The following FGGY variants were observed in gnomAD, a reference collection of about 807,000 sequenced individuals.
FGGY encodes the protein FGGY carbohydrate kinase domain-containing protein.
FGGY carries 72 observed loss-of-function variants against 71.3 expected under a neutral mutation model. The ratio of observed to expected loss-of-function variants is 1.01; its 90% CI spans 0.84 to 1.23. The LOEUF (loss-of-function observed/expected upper bound fraction) is 1.23, where lower values mean the gene tolerates loss of function less well. Ranked by LOEUF, FGGY falls within the 50% of genes most tolerant of loss-of-function variation. The probability of loss-of-function intolerance (pLI) is 0.00; values close to 1 mark genes in which losing one functional copy is unlikely to be tolerated. For synonymous variants in FGGY, 251 were observed against 250.3 expected (o/e 1.00, Z -0.02); for missense variants, 668 against 682.3 (o/e 0.98, Z 0.23).
chr1:59,565,494 C>T (rs2095860514), intron 8 of FGGY, among the ~76,000 whole-genome samples: 1 of 152,168 alleles, frequency 6.6e-6, no homozygotes, highest in African/African-American at 2.4e-5. Flanking sequence ...CCGCGTTAGC[C>T]AGGATGGTCT....
At chr1:59,465,843 A>G (rs1339107653) in intron 6 of FGGY, among the ~76,000 whole-genome samples, 2 of 152,212 alleles carry the variant, frequency 1.3e-5, no homozygotes, top group Non-Finnish European at 2.9e-5. Context: ...CCACTGCTCA[A>G]TGAAATAAAA....
At chr1:59,698,219 G>T (rs113311952) in intron 14 of FGGY, among the ~76,000 whole-genome samples, 3 of 152,042 alleles carry the variant, frequency 2.0e-5, no homozygotes, top group African/African-American at 7.2e-5. Flanking sequence ...ATTTGAAAGG[G>T]GAGAAAGATA....
intron 6 of FGGY, among the ~76,000 whole-genome samples, chr1:59,492,001 T>A (rs533200697): frequency 6.6e-6 from 1 of 152,322 alleles, no homozygotes; most frequent in South Asian, 2.1e-4. Flanking sequence ...TCTGGAGTTC[T>A]GTAAGAAAAT....
intron 13 of FGGY, among the ~76,000 whole-genome samples, chr1:59,671,230 A>C (rs989513699): frequency 4.6e-5 from 7 of 152,244 alleles, no homozygotes; most frequent in Middle Eastern, 3.2e-3. Flanking sequence ...TGTCGGTGTC[A>C]GTCAGGTCCA....
chr1:59,609,620 T>C (rs2096655511), intron 9 of FGGY, among the ~76,000 whole-genome samples: 1 of 152,266 alleles, frequency 6.6e-6, no homozygotes, highest in Admixed American at 6.5e-5. Context: ...ATTGGAAATA[T>C]CTGCTTATGT....
chr1:59,616,955 A>T (rs1305719689), intron 9 of FGGY, among the ~76,000 whole-genome samples: 1 of 152,140 alleles, frequency 6.6e-6, no homozygotes, highest in Admixed American at 6.6e-5. Flanking sequence ...TGGCCTTTTA[A>T]TATGTTTTAT....
chr1:59,364,654 C>T (rs547758560), intron 4 of FGGY, among the ~76,000 whole-genome samples: 2 of 152,190 alleles, frequency 1.3e-5, no homozygotes, highest in South Asian at 4.1e-4. Context: ...GAGAGACAGA[C>T]AAATGAACAG....
rs143147660 is a variant in FGGY, at chr1:59,498,352, C to A, written c.671-13959C>A. On this transcript the variant is annotated intron_variant, in intron 6 of 15. Coordinates refer to ENST00000303721, the MANE Select transcript of FGGY (RefSeq NM_018291.5). ...AATACATAATGCCTTTAAATGTTCT[C>A]ATTGTTAACATTTATTTTCTTTGGA... is the stretch of plus-strand genomic sequence containing the variant. 4.5e-4 allele frequency among the ~76,000 whole-genome samples: 69 copies of A among 152,268 alleles called. No individual in the cohort carries two copies. In the East Asian group the frequency reaches 6.0e-3, roughly 13 times the overall value.
intron 4 of FGGY, among the ~76,000 whole-genome samples, chr1:59,371,214 C>G: frequency 6.6e-6 from 1 of 152,048 alleles, no homozygotes; most frequent in East Asian, 1.9e-4. Flanking sequence ...GGAGGAAGAT[C>G]TACCAAGCAA....
intron 8 of FGGY, among the ~76,000 whole-genome samples, chr1:59,602,670 C>T (rs940152372): frequency 4.6e-5 from 7 of 152,124 alleles, no homozygotes; most frequent in Admixed American, 1.3e-4. Context: ...TGTTTCTGCC[C>T]GGGCTGCCCT....
chr1:59,748,731 T>A (rs2098220840), intron 14 of FGGY, among the ~76,000 whole-genome samples: 1 of 152,126 alleles, frequency 6.6e-6, no homozygotes, highest in South Asian at 2.1e-4. Flanking sequence ...GCTTCTAAAA[T>A]TCTTGGAATC....
At position 59,461,817 on chromosome 1, in the gene FGGY, AT is replaced by A. The variant is rs558220304; in HGVS notation, c.670+4748del. Among the ~76,000 whole-genome samples, 5 of 151,802 alleles carry A rather than the reference AT, an allele frequency of 3.3e-5. No individual in the cohort carries two copies. The East Asian group carries it at 7.7e-4, about 24-fold the overall frequency. On this transcript the variant is annotated intron_variant, in intron 6 of 15. Transcript: ENST00000303721. ...TTTGTTTTTTATTTTATTGTATTTT[AT>A]TTTTTTCTTCTATTATTATTATTAT... is the stretch of plus-strand genomic sequence containing the variant.
At chr1:59,591,903 C>A (rs1002763237) in intron 8 of FGGY, among the ~76,000 whole-genome samples, 51 of 152,108 alleles carry the variant, frequency 3.4e-4, no homozygotes, top group African/African-American at 1.2e-3. Flanking sequence ...TCTAAAACAC[C>A]AAAAGCAATG....
chr1:59,736,969 T>G (rs1436066004), intron 14 of FGGY, among the ~76,000 whole-genome samples: 1 of 152,228 alleles, frequency 6.6e-6, no homozygotes, highest in East Asian at 1.9e-4. Context: ...AGGGTACCCC[T>G]GCTGTGTGCA....
intron 7 of FGGY, among the ~76,000 whole-genome samples, chr1:59,519,977 T>C (rs1444566923): frequency 6.6e-6 from 1 of 152,196 alleles, no homozygotes; most frequent in Non-Finnish European, 1.5e-5. Context: ...GTTTATTGCT[T>C]CTGGGGAAAG....
At chr1:59,752,766 T>A (rs912788421) in intron 14 of FGGY, among the ~76,000 whole-genome samples, 3 of 152,134 alleles carry the variant, frequency 2.0e-5, no homozygotes, top group African/African-American at 7.2e-5. Flanking sequence ...AGAGAAGTGG[T>A]GAGCAGTGTG....
chr1:59,619,869 GTA>G (rs528335720), intron 9 of FGGY, among the ~76,000 whole-genome samples: 20 of 152,030 alleles, frequency 1.3e-4, no homozygotes, highest in Non-Finnish European at 2.5e-4. Flanking sequence ...GGCTATTGTA[GTA>G]AGCCAGCTGA....
At chr1:59,491,859 G>C (rs925451796) in intron 6 of FGGY, among the ~76,000 whole-genome samples, 3 of 152,088 alleles carry the variant, frequency 2.0e-5, no homozygotes, top group Non-Finnish European at 4.4e-5. Flanking sequence ...AGGACTATAA[G>C]ATTTAACTCT....
chr1:59,497,911 G>A (rs1226295248), intron 6 of FGGY, among the ~76,000 whole-genome samples: 2 of 120,636 alleles, frequency 1.7e-5, no homozygotes, highest in East Asian at 4.3e-4. Flanking sequence ...AGTCTTCCAG[G>A]CCCTTTTTTG....
Sources: allele counts gnomAD v4.1 joint callset (sites outside exome capture counted in the v4.1 genomes callset), GRCh38; gene constraint gnomAD v4.1.1; transcripts MANE v1.5; gene names NCBI Gene and HGNC (gene_info 2026-07-23, HGNC 2026-07-21).